Variants in MICU3 observed in about 807,000 individuals in gnomAD.
The protein encoded by MICU3 is mitochondrial calcium uptake 3.
A neutral mutation model predicts 66.5 loss-of-function variants in MICU3; 62 were observed. That is an observed-to-expected ratio of 0.93 (90% CI 0.76 to 1.15). MICU3 has a LOEUF of 1.15. Among genes scored for constraint, MICU3 ranks in the 50% most tolerant of loss-of-function variants. The pLI is 0.00. For synonymous variants in MICU3, 308 were observed against 240.7 expected (o/e 1.28, Z -2.59); for missense variants, 779 against 664.4 (o/e 1.17, Z -1.90).
chr8:17,103,149 C>G (rs1294922768), intron 9 of MICU3, among the ~76,000 whole-genome samples: 1 of 151,766 alleles, frequency 6.6e-6, no homozygotes, highest in Admixed American at 6.6e-5. Flanking sequence ...GTCTTTGTTA[C>G]TCCATTTTAA....
chr8:17,031,657 C>A (rs1319827576), intron 1 of MICU3, among the ~76,000 whole-genome samples: 1 of 152,018 alleles, frequency 6.6e-6, no homozygotes, highest in Non-Finnish European at 1.5e-5. Context: ...TAGCTAAGAA[C>A]TTCTGATTTA....
chr8:17,114,068 A>G, intron 11 of MICU3, 25 bp from the exon 12 acceptor site: 2 of 1,491,806 alleles, frequency 1.3e-6, no homozygotes, highest in Non-Finnish European at 1.8e-6. Context: ...TACTAAATGT[A>G]TTTTCATTTC....
At chr8:17,072,420 C>T (rs1396517264) in intron 3 of MICU3, among the ~76,000 whole-genome samples, 3 of 149,314 alleles carry the variant, frequency 2.0e-5, no homozygotes, top group African/African-American at 7.4e-5. Flanking sequence ...CAAAAATTCT[C>T]TAAGATTAAA....
intron 11 of MICU3, among the ~76,000 whole-genome samples, chr8:17,109,956 T>A (rs1802052684): frequency 6.6e-6 from 1 of 152,176 alleles, no homozygotes; most frequent in Non-Finnish European, 1.5e-5. Context: ...GCCAGTAAAT[T>A]TTGGAGTTTG....
chr8:17,127,843 C>T, the MICU3 span, among the ~76,000 whole-genome samples: 1 of 151,350 alleles, frequency 6.6e-6, no homozygotes, highest in African/African-American at 2.5e-5. Flanking sequence ...TTCTAGTGTC[C>T]TGTGATTTCT....
chr8:17,045,438 T>G lies in MICU3; in HGVS notation c.381+17778T>G, dbSNP rs372381994. ...CCTGCTGGGTTTAGATCATATCTTTTTTATCCAGTCACATTTCAACATGGT... is the reference window on the plus strand; with the variant it reads ...CCTGCTGGGTTTAGATCATATCTTTGTTATCCAGTCACATTTCAACATGGT... On this transcript the variant is annotated intron_variant, in intron 1 of 14. Transcript: ENST00000318063. 1.2e-4 allele frequency among the ~76,000 whole-genome samples: 19 copies of G among 152,344 alleles called. No homozygotes were observed. The East Asian group carries it at 3.3e-3, about 26-fold the overall frequency.
At chr8:17,132,280 T>C in the MICU3 span, 2 of 152,230 alleles carry the variant, frequency 1.3e-5, no homozygotes, top group Admixed American at 6.5e-5. Context: ...AGCCCTTTTT[T>C]CTGCAGTTGG....
In MICU3 at chr8:17,086,985, A is replaced by G. The variant is rs1159644897; in HGVS notation, c.799A>G (p.Lys267Glu). Residue 267 changes from lysine (K) to glutamate (E), a missense_variant, in exon 7 of 15, where the codon AAA becomes GAA. Transcript: ENST00000318063. Reference sequence around the variant, plus strand: ...TCAGCTTCAAGAGATATTCAGGAAAAAAAATGAAAAGAGAGAAATTAAAGG... The same window carrying G: ...TCAGCTTCAAGAGATATTCAGGAAAGAAAATGAAAAGAGAGAAATTAAAGG... ...FLVLQEIFRK[K>E]NEKREIKGDE... 1.9e-6 allele frequency: 3 copies of G among 1,605,598 alleles called. No homozygotes were observed. Among genetic ancestry groups the G allele is most frequent in the Non-Finnish European group, 2.6e-6 (3 of 1,173,374 alleles).
At position 17,027,323 on chromosome 8, in the gene MICU3, C is replaced by G; in HGVS notation, c.44C>G (p.Ser15Cys). The G allele has an allele frequency of 6.5e-7, 1 of 1,528,844 alleles. No individual in the cohort carries two copies. The highest frequency in any genetic ancestry group is 8.7e-7 in the Non-Finnish European group (1 of 1,146,964). 94.7% of individuals were successfully genotyped at this position (1,528,844 alleles called of 1,614,324 possible). The change falls in exon 1 of 15, where the codon TCT (serine) becomes TGT (cysteine). Residue 15 changes from serine to cysteine, a missense_variant. Physicochemically the swap from Ser to Cys is moderately radical, Grantham distance 112. Coordinates refer to ENST00000318063, the MANE Select transcript of MICU3 (RefSeq NM_181723.3). ...RRLLWPPPRV[S>C]PPLCAHQPLL... ...CTCTTGTGGCCGCCACCCCGGGTGT[C>G]TCCTCCACTCTGCGCTCACCAGCCC...
intron 3 of MICU3, among the ~76,000 whole-genome samples, chr8:17,070,678 A>T (rs1024392069): frequency 3.3e-5 from 5 of 151,750 alleles, no homozygotes; most frequent in African/African-American, 7.3e-5. Context: ...AAATCTAGGG[A>T]ACGTCCTTAA....
chr8:17,085,280 G>T lies in MICU3; in HGVS notation c.739G>T (p.Asp247Tyr). ...AATAGCTTTCAACATGTTTGACACT[G>T]ATGGCAATGAGATGGTGGATAAAAA... ...FRIAFNMFDT[D>Y]GNEMVDKKEF... The change falls in exon 6 of 15, where the codon GAT becomes TAT. Residue 247 changes from aspartate (D) to tyrosine (Y), a missense_variant. Asp to Tyr is a radical substitution (Grantham distance 160). Coordinates refer to ENST00000318063, the MANE Select transcript of MICU3 (RefSeq NM_181723.3). The T allele has an allele frequency of 6.2e-7, 1 of 1,611,050 alleles. No individual in the cohort carries two copies. The highest frequency in any genetic ancestry group is 2.2e-5 in the East Asian group (1 of 44,730).
intron 13 of MICU3, 148 bp downstream of exon 13, chr8:17,116,748 C>A: frequency 1.8e-6 from 1 of 541,256 alleles, no homozygotes; most frequent in Non-Finnish European, 3.1e-6. Flanking sequence ...GGCCTTACTT[C>A]CCTTAAAAAA....
chr8:17,093,968 C>T (rs1800374982), intron 8 of MICU3, among the ~76,000 whole-genome samples: 1 of 151,886 alleles, frequency 6.6e-6, no homozygotes, highest in Non-Finnish European at 1.5e-5. Context: ...AAAATATTGC[C>T]ATATACCACG....
intron 1 of MICU3, among the ~76,000 whole-genome samples, chr8:17,038,976 T>A (rs1305067035): frequency 6.7e-6 from 1 of 149,392 alleles, no homozygotes; most frequent in African/African-American, 2.4e-5. Context: ...AATAAATAAA[T>A]AATAAATAAA....
At position 17,085,449 on chromosome 8, in the gene MICU3, AAAGTAT is replaced by A. The variant is rs1799371915; in HGVS notation, c.777+134_777+139del. The A allele has an allele frequency of 1.5e-5, 8 of 531,306 alleles. No individual in the cohort carries two copies. In the East Asian group the frequency reaches 2.3e-4, roughly 15 times the overall value. The allele number at this position is 531,306 out of a possible 1,614,324, so 32.9% of individuals were successfully genotyped here. On this transcript the variant is annotated intron_variant, in intron 6 of 14. Coordinates refer to ENST00000318063, the MANE Select transcript of MICU3 (RefSeq NM_181723.3). ...ACTTACGCTTTTGCCTTTACTTAAT[AAAGTAT>A]AATACTCAGGTACTTTGAACAATAT...
intron 3 of MICU3, among the ~76,000 whole-genome samples, chr8:17,076,474 A>AT (rs1820405040): frequency 6.6e-6 from 1 of 152,166 alleles, no homozygotes; most frequent in East Asian, 1.9e-4. Context: ...AGATGCACTG[A>AT]TTATCTGCTG....
At chr8:17,116,631 T>C (rs370163270) in intron 13 of MICU3, 31 bp downstream of exon 13, 4 of 1,474,934 alleles carry the variant, frequency 2.7e-6, no homozygotes, top group African/African-American at 1.5e-5. Context: ...CCTATTGATA[T>C]CCTTTTTAAA....
chr8:17,030,780 G>GAA (rs1278865819), intron 1 of MICU3, among the ~76,000 whole-genome samples: 1 of 152,100 alleles, frequency 6.6e-6, no homozygotes, highest in Non-Finnish European at 1.5e-5. Flanking sequence ...AGTTCCCAAG[G>GAA]CCTTGTCCGT....
chr8:17,128,413 G>C, the MICU3 span, among the ~76,000 whole-genome samples: 3 of 152,184 alleles, frequency 2.0e-5, no homozygotes, highest in Admixed American at 6.5e-5. Context: ...TGCAGAAAAT[G>C]CATATGTTGG....
Sources: gnomAD v4.1 joint callset for allele counts (sites outside exome capture counted in the v4.1 genomes callset) on GRCh38, gnomAD v4.1.1 for gene constraint, MANE v1.5 for transcripts, NCBI Gene and HGNC (gene_info 2026-07-23, HGNC 2026-07-21) for gene names.